Variants in LAMA1 observed in about 807,000 individuals in gnomAD.
LAMA1 encodes laminin subunit alpha 1.
A neutral mutation model predicts 348.7 loss-of-function variants in LAMA1; 219 were observed. The ratio of observed to expected loss-of-function variants is 0.63; its 90% CI spans 0.56 to 0.70. The LOEUF (loss-of-function observed/expected upper bound fraction) is 0.70, where lower values mean the gene tolerates loss of function less well. LAMA1 is among the 30% of genes least tolerant of loss of function. LAMA1 has a pLI of 0.00. For missense variants in LAMA1, 3,744 were observed against 3,888.0 expected, an observed-to-expected ratio of 0.96 and a Z score of 0.99; for synonymous variants, 1,487 against 1,491.0, an observed-to-expected ratio of 1.00 and a Z score of 0.06.
intron 3 of LAMA1, among the ~76,000 whole-genome samples, chr18:7,070,921 A>AAC (rs398031925): frequency 8.3e-4 from 125 of 150,526 alleles, no homozygotes; most frequent in African/African-American, 2.8e-3. Flanking sequence ...AAAAAAAAAA[A>AAC]CACGTTAGGT....
At chr18:7,026,274 C>A (rs1249338724) in intron 16 of LAMA1, among the ~76,000 whole-genome samples, 168 bp from the exon 17 acceptor site, 1 of 152,174 alleles carries the variant, frequency 6.6e-6, no homozygotes, top group African/African-American at 2.4e-5. Context: ...TTAATATCAG[C>A]AAGTGTAATT....
intron 3 of LAMA1, among the ~76,000 whole-genome samples, chr18:7,074,999 A>AT (rs2058161537): frequency 8.4e-6 from 1 of 118,758 alleles, no homozygotes; most frequent in Non-Finnish European, 1.7e-5. Flanking sequence ...AAAAAAAAAA[A>AT]AAAAATGCTG....
At chr18:7,115,970 A>G (rs1427267851) in intron 1 of LAMA1, among the ~76,000 whole-genome samples, 1 of 144,778 alleles carries the variant, frequency 6.9e-6, no homozygotes, top group Non-Finnish European at 1.5e-5. Context: ...CGGAGACTGC[A>G]AAAAAAAAAA....
rs1487366190 is a variant in LAMA1, at chr18:7,008,518, A to T, written c.4092T>A (p.Cys1364Ter). The T allele has an allele frequency of 1.9e-5, 31 of 1,613,992 alleles. No individual in the cohort carries two copies. The highest frequency in any genetic ancestry group is 2.6e-5 in the Non-Finnish European group (31 of 1,179,998). Residue 1364 changes from cysteine (C) to a stop codon, truncating the protein, a stop_gained, in exon 28 of 63, where the codon TGT becomes TGA. Coordinates refer to ENST00000389658, the MANE Select transcript of LAMA1 (RefSeq NM_005559.4). LOFTEE classifies it high-confidence loss of function. ...ATGAGAATCCCACAGTGCCAGGAGG[A>T]CAGACACAATTCTCTAAAAGAGATG... ...EVASLLENCVCPPGTVGFSCQ... is the reference protein window; with the variant it reads ...EVASLLENCV
chr18:7,086,098 A>C, intron 1 of LAMA1, among the ~76,000 whole-genome samples: 1 of 152,192 alleles, frequency 6.6e-6, no homozygotes, highest in East Asian at 1.9e-4. Context: ...TAAGGTCAAT[A>C]AACTTTTAAC....
At chr18:7,061,126 C>T (rs1385431865) in intron 3 of LAMA1, among the ~76,000 whole-genome samples, 2 of 152,168 alleles carry the variant, frequency 1.3e-5, no homozygotes, top group Admixed American at 6.5e-5. Flanking sequence ...CCACTGCACT[C>T]CAGCCTGGAT....
intron 60 of LAMA1, 148 bp from the exon 61 acceptor site, chr18:6,947,444 C>G: frequency 1.1e-6 from 1 of 890,012 alleles, no homozygotes; most frequent in Non-Finnish European, 1.8e-6. Context: ...CTCCTGCCCT[C>G]TGAGCCTCGG....
intron 62 of LAMA1, among the ~76,000 whole-genome samples, chr18:6,942,974 T>G (rs967184840): frequency 5.3e-5 from 8 of 152,194 alleles, no homozygotes; most frequent in African/African-American, 1.9e-4. Flanking sequence ...GTTCTCACAG[T>G]CTTACCCAAT....
intron 1 of LAMA1, among the ~76,000 whole-genome samples, chr18:7,081,724 C>A (rs535884304): frequency 1.3e-5 from 2 of 152,086 alleles, no homozygotes; most frequent in Admixed American, 6.6e-5. Flanking sequence ...CAATGGTGTA[C>A]GCGATGTTGA....
chr18:7,077,451 C>T (rs2058174016), intron 3 of LAMA1, among the ~76,000 whole-genome samples: 1 of 152,010 alleles, frequency 6.6e-6, no homozygotes, highest in South Asian at 2.1e-4. Context: ...GTGATCCGCC[C>T]ACCTCAGCCT....
chr18:7,079,103 A>G (rs1159427829), intron 3 of LAMA1, among the ~76,000 whole-genome samples: 1 of 152,216 alleles, frequency 6.6e-6, no homozygotes, highest in Non-Finnish European at 1.5e-5. Context: ...TAAATCCTAC[A>G]ATGCACATCA....
At position 7,049,105 on chromosome 18, in the gene LAMA1, T is replaced by C. The variant is rs1276930147; in HGVS notation, c.741A>G (p.Lys247=). ...DLMTLSHREP[K]ELDPIVTRRY... ...GTCTGGTAACAATAGGATCCAGTTC[T>C]TTAGGTTCCCGGTGGCTAAGGGTCA... is the stretch of plus-strand genomic sequence containing the variant. Residue 247 remains lysine (K), a synonymous_variant, in exon 5 of 63, where the codon AAA becomes AAG. Transcript: ENST00000389658. 1.2e-6 allele frequency: 2 copies of C among 1,614,042 alleles called. No homozygotes were observed. The highest frequency in any genetic ancestry group is 1.7e-6 in the Non-Finnish European group (2 of 1,180,042).
intron 3 of LAMA1, among the ~76,000 whole-genome samples, chr18:7,051,267 T>G (rs959097331): frequency 2.0e-5 from 3 of 152,192 alleles, no homozygotes; most frequent in Admixed American, 6.5e-5. Context: ...TGTGAAGTGA[T>G]AAATATATTA....
intron 1 of LAMA1, among the ~76,000 whole-genome samples, chr18:7,109,506 T>C (rs1328882369): frequency 6.6e-6 from 1 of 152,116 alleles, no homozygotes; most frequent in African/African-American, 2.4e-5. Flanking sequence ...AGTGAGACAG[T>C]TGAAACAGGC....
Position 6,985,603 on chromosome 18 carries a change from G to A in LAMA1, c.5420C>T (p.Ser1807Leu), listed in dbSNP as rs774921712. ...LHVQEEQNLT[S>L]ELIVQGRGLI... ...TCCTCTTCCTTGGACAATGAGCTCT[G>A]AGGTCAGATTTTGTTCTTCTTGAAC... Residue 1807 changes from serine to leucine, a missense_variant, in exon 38 of 63, where the codon TCA becomes TTA. Physicochemically the swap from Ser to Leu is moderately radical, Grantham distance 145. This residue lies in a region of LAMA1 where 1,983 missense variants were observed against 1,934.3 expected (regional missense o/e 1.03). Transcript: ENST00000389658. The A allele has an allele frequency of 5.0e-6, 8 of 1,614,090 alleles. No individual in the cohort carries two copies. Among genetic ancestry groups the A allele is most frequent in the Non-Finnish European group, 6.8e-6 (8 of 1,179,992 alleles).
At chr18:7,056,812 C>T (rs1302523918) in intron 3 of LAMA1, among the ~76,000 whole-genome samples, 1 of 151,992 alleles carries the variant, frequency 6.6e-6, no homozygotes, top group African/African-American at 2.4e-5. Context: ...GCTAATGCCA[C>T]GAAGCACTTA....
chr18:6,991,124 G>C (rs958441802), intron 36 of LAMA1, among the ~76,000 whole-genome samples: 5 of 151,880 alleles, frequency 3.3e-5, no homozygotes, highest in African/African-American at 1.2e-4. Context: ...CCCTTTCCAG[G>C]CCCTATTATT....
At chr18:7,010,414 C>T (rs777848310) in intron 25 of LAMA1, 29 bp from the exon 26 acceptor site, 2 of 1,601,362 alleles carry the variant, frequency 1.2e-6, no homozygotes, top group South Asian at 2.2e-5. Flanking sequence ...TTGTTTACTT[C>T]TCTGACAAAG....
intron 5 of LAMA1, 129 bp downstream of exon 5, chr18:7,048,949 C>A: frequency 1.1e-6 from 1 of 875,334 alleles, no homozygotes; most frequent in Non-Finnish European, 1.8e-6. Context: ...AAGGATACAG[C>A]TGCTGGCAAG....
Sources: gnomAD v4.1 joint callset for allele counts (sites outside exome capture counted in the v4.1 genomes callset) on GRCh38, gnomAD v4.1.1 for gene constraint, gnomAD v4.1.1 regional missense constraint, MANE v1.5 for transcripts, NCBI Gene and HGNC (gene_info 2026-07-23, HGNC 2026-07-21) for gene names.